The following SCHIP1 variants were observed in gnomAD, a reference collection of about 807,000 sequenced individuals.
The protein encoded by SCHIP1 is schwannomin interacting protein 1.
Under a neutral mutation model 29.7 loss-of-function variants are expected in SCHIP1, and 8 were observed. That is an observed-to-expected ratio of 0.27 (90% CI 0.16 to 0.49). SCHIP1 has a LOEUF of 0.49. SCHIP1 is among the 20% of genes least tolerant of loss of function. The pLI is 0.99. For missense variants in SCHIP1, 193 were observed against 294.6 expected (o/e 0.66, Z 2.52); for synonymous variants, 76 against 94.9 (o/e 0.80, Z 1.16).
chr3:159,702,852 G>C, the SCHIP1 span, among the ~76,000 whole-genome samples: 228 of 152,292 alleles, frequency 1.5e-3, 1 homozygote, highest in Non-Finnish European at 2.6e-3. Flanking sequence ...TTCAATGAAA[G>C]GGCTATTTTC....
At chr3:159,280,390 G>T in the SCHIP1 span, among the ~76,000 whole-genome samples, 6 of 152,244 alleles carry the variant, frequency 3.9e-5, no homozygotes, top group African/African-American at 1.4e-4. Context: ...GAGCTTTTCA[G>T]GTCCTTTCCT....
the SCHIP1 span, among the ~76,000 whole-genome samples, chr3:159,730,072 T>G: frequency 6.6e-6 from 1 of 152,218 alleles, no homozygotes; most frequent in African/African-American, 2.4e-5. Context: ...AATATGTATG[T>G]CCATATAAAT....
At chr3:159,701,940 C>G in the SCHIP1 span, among the ~76,000 whole-genome samples, 28 of 152,054 alleles carry the variant, frequency 1.8e-4, no homozygotes, top group Non-Finnish European at 4.0e-4. Context: ...AGTCCAAGCT[C>G]CAAAGCTTGG....
the SCHIP1 span, among the ~76,000 whole-genome samples, chr3:159,284,302 G>A: frequency 6.6e-6 from 1 of 152,014 alleles, no homozygotes; most frequent in African/African-American, 2.4e-5. Context: ...TGAATATCTT[G>A]AGATTAACTA....
chr3:159,663,696 T>C, the SCHIP1 span, among the ~76,000 whole-genome samples: 1 of 152,352 alleles, frequency 6.6e-6, no homozygotes, highest in Non-Finnish European at 1.5e-5. Flanking sequence ...ATGCAGAAGC[T>C]AGTTACACTG....
the SCHIP1 span, among the ~76,000 whole-genome samples, chr3:159,580,677 G>A: frequency 2.6e-5 from 4 of 152,178 alleles, no homozygotes; most frequent in African/African-American, 9.7e-5. Context: ...AGCCTCAGAA[G>A]ACAGTACGTA....
chr3:159,692,002 A>ACCCGACCT, the SCHIP1 span, among the ~76,000 whole-genome samples: 1 of 143,072 alleles, frequency 7.0e-6, no homozygotes. Flanking sequence ...TTTGTGGGTA[A>ACCCGACCT]CCCGACCTTT....
At chr3:159,347,708 G>A in the SCHIP1 span, among the ~76,000 whole-genome samples, 10 of 152,084 alleles carry the variant, frequency 6.6e-5, no homozygotes, top group Admixed American at 1.3e-4. Flanking sequence ...ATGAGCCAAC[G>A]TAATTATTTT....
chr3:159,390,925 G>A, the SCHIP1 span, among the ~76,000 whole-genome samples: 1 of 152,138 alleles, frequency 6.6e-6, no homozygotes, highest in Non-Finnish European at 1.5e-5. Flanking sequence ...GCTCAGTGAA[G>A]TACCACTTGC....
the SCHIP1 span, among the ~76,000 whole-genome samples, chr3:159,669,952 T>C: frequency 1.3e-5 from 2 of 152,128 alleles, no homozygotes; most frequent in African/African-American, 2.4e-5. Flanking sequence ...CGTGAGTCAG[T>C]GTCTATTGTA....
chr3:159,500,226 T>C, the SCHIP1 span, among the ~76,000 whole-genome samples: 1 of 152,164 alleles, frequency 6.6e-6, no homozygotes, highest in South Asian at 2.1e-4. Flanking sequence ...GATGTGTGTT[T>C]GATTCCTGGA....
At chr3:159,564,169 C>T in the SCHIP1 span, among the ~76,000 whole-genome samples, 2 of 152,158 alleles carry the variant, frequency 1.3e-5, no homozygotes, top group African/African-American at 4.8e-5. Flanking sequence ...CCTGCACTCA[C>T]ATATACTTGC....
At chr3:159,711,538 A>G in the SCHIP1 span, among the ~76,000 whole-genome samples, 1 of 152,146 alleles carries the variant, frequency 6.6e-6, no homozygotes, top group South Asian at 2.1e-4. Context: ...AAAAAATACA[A>G]TGATAAAATA....
the SCHIP1 span, among the ~76,000 whole-genome samples, chr3:159,331,181 G>A: frequency 3.7e-4 from 56 of 152,276 alleles, no homozygotes; most frequent in African/African-American, 1.3e-3. Flanking sequence ...CCACTGGGGG[G>A]CCACTGAAGT....
the SCHIP1 span, chr3:159,722,343 C>G: frequency 1.3e-5 from 2 of 155,990 alleles, no homozygotes; most frequent in African/African-American, 4.8e-5. Context: ...TTCTGCTCAT[C>G]CTCTTCTGAC....
chr3:159,881,535 A>G (rs1284204926), intron 2 of SCHIP1, among the ~76,000 whole-genome samples: 2 of 152,188 alleles, frequency 1.3e-5, no homozygotes, highest in African/African-American at 4.8e-5. Context: ...AAGCCATACA[A>G]TTGCCTTAAA....
chr3:159,392,041 G>A, the SCHIP1 span, among the ~76,000 whole-genome samples: 1 of 152,152 alleles, frequency 6.6e-6, no homozygotes, highest in African/African-American at 2.4e-5. Context: ...CCTTCTGGAG[G>A]GAAAAGAGAA....
At chr3:159,446,472 A>T in the SCHIP1 span, among the ~76,000 whole-genome samples, 4 of 104,318 alleles carry the variant, frequency 3.8e-5, no homozygotes, top group African/African-American at 8.3e-5. Flanking sequence ...TATTGTTGCA[A>T]TACAGCAATA....
At chr3:159,702,200 G>A in the SCHIP1 span, among the ~76,000 whole-genome samples, 11 of 152,278 alleles carry the variant, frequency 7.2e-5, no homozygotes, top group Non-Finnish European at 8.8e-5. Context: ...AAAATCTCCA[G>A]TTGGCATAGT....
Sources: allele counts gnomAD v4.1 joint callset (sites outside exome capture counted in the v4.1 genomes callset), GRCh38; gene constraint gnomAD v4.1.1; transcripts MANE v1.5; gene names NCBI Gene and HGNC (gene_info 2026-07-23, HGNC 2026-07-21).